The following DBT variants were observed in gnomAD, a reference collection of about 807,000 sequenced individuals.
The protein encoded by DBT is lipoamide acyltransferase component of branched-chain alpha-keto acid dehydrogenase complex, mitochondrial.
Under a neutral mutation model 51.3 loss-of-function variants are expected in DBT, and 40 were observed. The observed-to-expected ratio is 0.78, with a 90% CI of 0.61 to 1.02. The LOEUF is 1.02. Ranked by LOEUF, DBT falls within the 50% of genes least tolerant of loss-of-function variation. The probability of loss-of-function intolerance (pLI) is 0.00; values close to 1 mark genes in which losing one functional copy is unlikely to be tolerated. For synonymous variants in DBT, 181 were observed against 190.4 expected, an observed-to-expected ratio of 0.95 and a Z score of 0.41; for missense variants, 510 against 580.2, an observed-to-expected ratio of 0.88 and a Z score of 1.24.
chr1:100,228,714 C>T (rs1438126494), intron 4 of DBT, among the ~76,000 whole-genome samples: 4 of 152,064 alleles, frequency 2.6e-5, no homozygotes, highest in African/African-American at 4.8e-5. Flanking sequence ...GAGCTGAGAT[C>T]GCACCACTGC....
chr1:100,227,556 T>C (rs568446433), intron 4 of DBT, among the ~76,000 whole-genome samples: 52 of 152,318 alleles, frequency 3.4e-4, no homozygotes, highest in African/African-American at 1.2e-3. Context: ...AGGAAGGATC[T>C]CAAATTATAT....
At chr1:100,210,802 T>G in intron 7 of DBT, 31 bp from the exon 8 acceptor site, 1 of 1,610,438 alleles carries the variant, frequency 6.2e-7, no homozygotes, top group Non-Finnish European at 8.5e-7. Flanking sequence ...GCAATTTTAG[T>G]ACTTTTAACT....
chr1:100,208,193 AT>A (rs1661916197), intron 8 of DBT, among the ~76,000 whole-genome samples: 1 of 152,202 alleles, frequency 6.6e-6, no homozygotes, highest in African/African-American at 2.4e-5. Context: ...AATGTTAAAA[AT>A]ATTGTATAAA....
At chr1:100,249,559 A>G (rs1664786695) in intron 1 of DBT, among the ~76,000 whole-genome samples, 1 of 152,172 alleles carries the variant, frequency 6.6e-6, no homozygotes, top group Admixed American at 6.5e-5. Context: ...GTCGCTGCAG[A>G]AGCGCTTCCA....
chr1:100,196,012 A>G lies in DBT; in HGVS notation c.*243T>C. The G allele has an allele frequency of 1.8e-6, 1 of 540,546 alleles. No individual in the cohort carries two copies. Among genetic ancestry groups the G allele is most frequent in the East Asian group, 3.3e-5 (1 of 30,350 alleles). The allele number at this position is 540,546 out of a possible 1,614,324, so 33.5% of individuals were successfully genotyped here. ...TTCAAGCCATTGACACAAAAACATCAGCACCATATTAAGAAGTCACACTCT... is the reference window on the plus strand; with the variant it reads ...TTCAAGCCATTGACACAAAAACATCGGCACCATATTAAGAAGTCACACTCT... On this transcript the variant is annotated 3_prime_UTR_variant, in exon 11 of 11. Coordinates refer to ENST00000370132, the MANE Select transcript of DBT (RefSeq NM_001918.5).
At chr1:100,218,898 G>A (rs1662653340) in intron 4 of DBT, 151 bp from the exon 5 acceptor site, 2 of 546,792 alleles carry the variant, frequency 3.7e-6, no homozygotes, top group African/African-American at 4.1e-5. Flanking sequence ...CTTCAGAATA[G>A]GAAAACACAA....
chr1:100,223,538 C>T (rs1365318730), intron 4 of DBT, among the ~76,000 whole-genome samples: 2 of 152,176 alleles, frequency 1.3e-5, no homozygotes, highest in African/African-American at 4.8e-5. Context: ...ACAAGCATAA[C>T]TCAATGCAGC....
Position 100,193,459 on chromosome 1 carries a change from A to G in DBT, c.*2796T>C, listed in dbSNP as rs1004098006. 1 of 152,220 alleles carries G rather than the reference A, an allele frequency of 6.6e-6. No individual in the cohort carries two copies. Among genetic ancestry groups the G allele is most frequent in the African/African-American group, 2.4e-5 (1 of 41,452 alleles). The allele number at this position is 152,220 out of a possible 1,614,324, so 9.4% of individuals were successfully genotyped here. A position where few individuals can be genotyped will look rare whatever the true frequency, so the allele number is the denominator to read the frequency against. ...GAACAGTGTTTTATGCAGTTATTTAATATCTGTCTCCTTACTAGACTGTAA... is the reference window on the plus strand; with the variant it reads ...GAACAGTGTTTTATGCAGTTATTTAGTATCTGTCTCCTTACTAGACTGTAA... On this transcript the variant is annotated 3_prime_UTR_variant, in exon 11 of 11. Coordinates refer to ENST00000370132, the MANE Select transcript of DBT (RefSeq NM_001918.5).
rs372026617 is a variant in DBT, at chr1:100,240,711, A to T, written c.175+50T>A. The T allele has an allele frequency of 3.4e-6, 5 of 1,458,790 alleles. No homozygotes were observed. The African/African-American group carries it at 7.0e-5, about 20-fold the overall frequency. The allele number at this position is 1,458,790 out of a possible 1,614,324, so 90.4% of individuals were successfully genotyped here. On this transcript the variant is annotated intron_variant, in intron 2 of 10. Coordinates refer to ENST00000370132, the MANE Select transcript of DBT (RefSeq NM_001918.5). ...ATCAACTACTAAAAAATATTACTGA[A>T]TGAGGTACAAAACATTATTTTATAC...
rs1557946237 is a variant in DBT, at chr1:100,210,735, T to TAAGGATAGG, written c.967_975dup (p.Pro323_Leu325dup). 1 of 1,613,502 alleles carries TAAGGATAGG rather than the reference T, an allele frequency of 6.2e-7. No individual in the cohort carries two copies. Among genetic ancestry groups the TAAGGATAGG allele is most frequent in the Admixed American group, 1.7e-5 (1 of 60,020 alleles). On this transcript the variant is annotated inframe_insertion, in exon 8 of 11. Transcript: ENST00000370132. ...TGGCAGTTTTCATCCACAGAAGCGTTAAGGATAGGAAACTGTAGTAATCCC... is the reference window on the plus strand; with the variant it reads ...TGGCAGTTTTCATCCACAGAAGCGTTAAGGATAGGAAGGATAGGAAACTGTAGTAATCCC...
Position 100,192,440 on chromosome 1 carries a change from CT to C in DBT, c.*3814del, listed in dbSNP as rs888373097. On this transcript the variant is annotated 3_prime_UTR_variant, in exon 11 of 11. Coordinates refer to ENST00000370132, the MANE Select transcript of DBT (RefSeq NM_001918.5). ...CTTACAGCCTGAATTTTACAAATGC[CT>C]TTGAAGACTTCATGGAAACATTTGT... The C allele has an allele frequency of 6.6e-6, 1 of 152,136 alleles. No individual in the cohort carries two copies. Among genetic ancestry groups the C allele is most frequent in the African/African-American group, 2.4e-5 (1 of 41,420 alleles). 9.4% of individuals were successfully genotyped at this position (152,136 alleles called of 1,614,324 possible). A position where few individuals can be genotyped will look rare whatever the true frequency, so the allele number is the denominator to read the frequency against.
Position 100,218,629 on chromosome 1 carries a change from G to A in DBT, c.552C>T (p.Asn184=). ...CTTAAATATTAAGAGAACTTACATT[G>A]TTTTCCATTGCCAGACGGCGAACTG... is the stretch of plus-strand genomic sequence containing the variant. ...TPAVRRLAME[N]NIKLSEVVGS... Residue 184 remains asparagine (N), a synonymous_variant, in exon 5 of 11, where the codon AAC becomes AAT. Transcript: ENST00000370132. 1 of 1,613,838 alleles carries A rather than the reference G, an allele frequency of 6.2e-7. No individual in the cohort carries two copies. Among genetic ancestry groups the A allele is most frequent in the Non-Finnish European group, 8.5e-7 (1 of 1,179,866 alleles).
At chr1:100,231,585 C>T (rs1026377499) in intron 3 of DBT, among the ~76,000 whole-genome samples, 4 of 152,140 alleles carry the variant, frequency 2.6e-5, no homozygotes, top group Non-Finnish European at 4.4e-5. Flanking sequence ...TAATTGTTGT[C>T]ATTCTTGCTT....
At chr1:100,245,935 G>C (rs1315102977) in intron 1 of DBT, among the ~76,000 whole-genome samples, 1 of 149,768 alleles carries the variant, frequency 6.7e-6, no homozygotes, top group Non-Finnish European at 1.5e-5. Flanking sequence ...CTGGGCAACA[G>C]AGCAAGAACT....
intron 3 of DBT, among the ~76,000 whole-genome samples, chr1:100,232,370 C>T (rs1281678479): frequency 6.6e-6 from 1 of 151,752 alleles, no homozygotes; most frequent in Non-Finnish European, 1.5e-5. Context: ...GAACTCCTGG[C>T]CTCAAGCAGT....
intron 7 of DBT, among the ~76,000 whole-genome samples, chr1:100,212,861 T>C (rs905139259): frequency 2.0e-5 from 3 of 152,082 alleles, no homozygotes; most frequent in African/African-American, 4.8e-5. Context: ...CAGCAGAGAC[T>C]TATAACACAT....
rs115442245 is a variant in DBT, at chr1:100,190,336, T to A, written c.*5919A>T. ...CTCTTGAGAAGTGTTATGGGCCATG[T>A]CTGGAAATGGCCTACATTACTTCAA... On this transcript the variant is annotated 3_prime_UTR_variant, in exon 11 of 11. Transcript: ENST00000370132. 1 of 152,160 alleles carries A rather than the reference T, an allele frequency of 6.6e-6. No individual in the cohort carries two copies. Among genetic ancestry groups the A allele is most frequent in the African/African-American group, 2.4e-5 (1 of 41,442 alleles). The allele number at this position is 152,160 out of a possible 1,614,324, so 9.4% of individuals were successfully genotyped here. A position where few individuals can be genotyped will look rare whatever the true frequency, so the allele number is the denominator to read the frequency against.
At chr1:100,206,821 T>A (rs1475948114) in intron 8 of DBT, among the ~76,000 whole-genome samples, 185 bp from the exon 9 acceptor site, 2 of 152,180 alleles carry the variant, frequency 1.3e-5, no homozygotes, top group Non-Finnish European at 2.9e-5. Flanking sequence ...CAGTGGCTCA[T>A]GCCTGTAATC....
chr1:100,240,888 CA>C lies in DBT; in HGVS notation c.52-5del, dbSNP rs1234151678. On this transcript the variant is annotated splice_region_variant and splice_polypyrimidine_tract_variant and intron_variant, in intron 1 of 10. Coordinates refer to ENST00000370132, the MANE Select transcript of DBT (RefSeq NM_001918.5). ...TTTGAAAATAGCGAACACAAATCTA[CA>C]GATGAGAAAACAAAAAGTAAAAGCA... 2.0e-5 allele frequency: 33 copies of C among 1,612,876 alleles called. No individual in the cohort carries two copies. The highest frequency in any genetic ancestry group is 2.6e-5 in the Non-Finnish European group (31 of 1,179,362).
Sources: gnomAD v4.1 joint callset for allele counts (sites outside exome capture counted in the v4.1 genomes callset) on GRCh38, gnomAD v4.1.1 for gene constraint, MANE v1.5 for transcripts, NCBI Gene and HGNC (gene_info 2026-07-23, HGNC 2026-07-21) for gene names.